Variants in RBMS3 observed in about 807,000 individuals in gnomAD.
RBMS3 encodes RNA binding motif single stranded interacting protein 3, also known as RNA-binding motif, single-stranded-interacting protein 3.
RBMS3 carries 27 observed loss-of-function variants against 66.8 expected under a neutral mutation model. The ratio of observed to expected loss-of-function variants is 0.40; its 90% CI spans 0.30 to 0.56. The LOEUF is 0.56. RBMS3 is among the 20% of genes least tolerant of loss of function. RBMS3 has a pLI of 0.40. For synonymous variants in RBMS3, 188 were observed against 183.0 expected (o/e 1.03, Z -0.22); for missense variants, 513 against 549.5 (o/e 0.93, Z 0.66).
chr3:29,490,952 C>T (rs1414484316), intron 3 of RBMS3, among the ~76,000 whole-genome samples: 2 of 152,102 alleles, frequency 1.3e-5, no homozygotes, highest in Non-Finnish European at 2.9e-5. Context: ...CTGGAAACCT[C>T]AATAGATAGA....
chr3:29,751,094 C>A (rs1398551006), intron 5 of RBMS3, among the ~76,000 whole-genome samples: 2 of 151,980 alleles, frequency 1.3e-5, no homozygotes, highest in African/African-American at 4.8e-5. Context: ...AGATTTAATA[C>A]CCAATCAAGG....
chr3:29,505,279 A>G (rs767861100), intron 3 of RBMS3, among the ~76,000 whole-genome samples: 15 of 151,862 alleles, frequency 9.9e-5, no homozygotes, highest in Non-Finnish European at 1.8e-4. Flanking sequence ...GCTTGTGGAC[A>G]TCTAGCTGTC....
At chr3:29,507,409 C>A (rs2044223257) in intron 3 of RBMS3, among the ~76,000 whole-genome samples, 1 of 151,846 alleles carries the variant, frequency 6.6e-6, no homozygotes, top group African/African-American at 2.4e-5. Flanking sequence ...CTGGTTAAAA[C>A]TATAGAGTAT....
intron 5 of RBMS3, among the ~76,000 whole-genome samples, chr3:29,755,514 T>C (rs2055370275): frequency 6.6e-6 from 1 of 152,160 alleles, no homozygotes; most frequent in African/African-American, 2.4e-5. Flanking sequence ...AGAAGCAGTG[T>C]TAAGGGAACT....
chr3:29,528,293 C>T (rs1009071297), intron 3 of RBMS3, among the ~76,000 whole-genome samples: 6 of 151,600 alleles, frequency 4.0e-5, no homozygotes, highest in African/African-American at 1.2e-4. Context: ...TTATATTTTT[C>T]GTAGAGATGG....
In RBMS3 at chr3:29,692,053, C is replaced by T. The variant is rs568262892; in HGVS notation, c.400-47667C>T. Among the ~76,000 whole-genome samples the T allele has an allele frequency of 4.0e-5, 6 of 150,132 alleles. No individual in the cohort carries two copies. The East Asian group carries it at 1.2e-3, about 30-fold the overall frequency. ...CAACCTCTGCCTCCTGGGATCTCGG[C>T]TCACTGCAACCTTTGCCTCCTGGAT... On this transcript the variant is annotated intron_variant, in intron 4 of 14. Coordinates refer to ENST00000383767, the MANE Select transcript of RBMS3 (RefSeq NM_001003793.3).
At chr3:29,337,617 G>T (rs1043322458) in intron 1 of RBMS3, among the ~76,000 whole-genome samples, 3 of 152,056 alleles carry the variant, frequency 2.0e-5, no homozygotes, top group African/African-American at 7.2e-5. Context: ...CTGCAACCCA[G>T]GCTGGGTGAC....
chr3:29,485,890 A>T (rs539035853), intron 2 of RBMS3, among the ~76,000 whole-genome samples: 56 of 152,254 alleles, frequency 3.7e-4, no homozygotes, highest in African/African-American at 1.3e-3. Context: ...CTTTATGAAG[A>T]CATAAGGTCT....
At chr3:29,807,798 G>T (rs2057604885) in intron 6 of RBMS3, among the ~76,000 whole-genome samples, 1 of 151,776 alleles carries the variant, frequency 6.6e-6, no homozygotes, top group Admixed American at 6.6e-5. Flanking sequence ...AGGGGTGTGT[G>T]TGTGTGTGTG....
At chr3:29,289,917 A>G (rs1484383014) in intron 1 of RBMS3, among the ~76,000 whole-genome samples, 2 of 152,026 alleles carry the variant, frequency 1.3e-5, no homozygotes, top group East Asian at 3.9e-4. Flanking sequence ...CAAGCTGAAT[A>G]TAGATCATGC....
At chr3:29,855,221 G>A (rs993324089) in intron 6 of RBMS3, among the ~76,000 whole-genome samples, 13 of 152,076 alleles carry the variant, frequency 8.5e-5, no homozygotes, top group African/African-American at 2.9e-4. Context: ...TTGCTGGTCC[G>A]CTTTTACAAT....
chr3:29,376,079 C>G (rs181291362), intron 1 of RBMS3, among the ~76,000 whole-genome samples: 12 of 151,784 alleles, frequency 7.9e-5, no homozygotes, highest in Admixed American at 6.6e-4. Context: ...CCCTAGCAAG[C>G]TAATGCAGAA....
At chr3:29,365,525 A>T (rs76786842) in intron 1 of RBMS3, among the ~76,000 whole-genome samples, 2,511 of 152,240 alleles carry the variant, frequency 0.016, 68 homozygotes, top group African/African-American at 0.057. Context: ...TTGAAAAAAA[A>T]ATATTATTTC....
At chr3:29,976,080 T>C (rs1186283952) in intron 12 of RBMS3, among the ~76,000 whole-genome samples, 1 of 151,990 alleles carries the variant, frequency 6.6e-6, no homozygotes, top group Non-Finnish European at 1.5e-5. Context: ...TTTGATGATA[T>C]ATATATATGT....
intron 3 of RBMS3, among the ~76,000 whole-genome samples, chr3:29,501,810 AG>A (rs946736739): frequency 3.1e-4 from 47 of 152,286 alleles, no homozygotes; most frequent in Admixed American, 1.1e-3. Flanking sequence ...TCCTAAGGGG[AG>A]GGATCATGAA....
At chr3:29,573,806 A>C (rs919390899) in intron 3 of RBMS3, among the ~76,000 whole-genome samples, 1 of 152,142 alleles carries the variant, frequency 6.6e-6, no homozygotes, top group Non-Finnish European at 1.5e-5. Context: ...TTTCTTCTTA[A>C]CATCTTTATT....
intron 4 of RBMS3, among the ~76,000 whole-genome samples, chr3:29,690,079 A>C (rs1389174822): frequency 6.6e-6 from 1 of 151,816 alleles, no homozygotes; most frequent in Non-Finnish European, 1.5e-5. Context: ...CATTTTATTA[A>C]TCACATATCT....
intron 10 of RBMS3, chr3:29,926,747 G>A (rs565291475): frequency 9.8e-5 from 15 of 152,326 alleles, no homozygotes; most frequent in African/African-American, 3.4e-4. Flanking sequence ...AACCCTGTTT[G>A]CCTTATCATT....
At chr3:29,285,492 A>T (rs1175249158) in intron 1 of RBMS3, among the ~76,000 whole-genome samples, 1 of 152,122 alleles carries the variant, frequency 6.6e-6, no homozygotes, top group Non-Finnish European at 1.5e-5. Flanking sequence ...TTACCAGTTC[A>T]CTATGTTTCT....
Sources: gnomAD v4.1 joint callset for allele counts (sites outside exome capture counted in the v4.1 genomes callset) on GRCh38, gnomAD v4.1.1 for gene constraint, MANE v1.5 for transcripts, NCBI Gene and HGNC (gene_info 2026-07-23, HGNC 2026-07-21) for gene names.